The following IMMP2L variants were observed in gnomAD, a reference collection of about 807,000 sequenced individuals.
IMMP2L encodes the protein mitochondrial inner membrane protease subunit 2.
A neutral mutation model predicts 19.3 loss-of-function variants in IMMP2L; 18 were observed. The ratio of observed to expected loss-of-function variants is 0.93; its 90% CI spans 0.64 to 1.38. IMMP2L has a LOEUF of 1.38. Among genes scored for constraint, IMMP2L ranks in the 40% most tolerant of loss-of-function variants. IMMP2L has a pLI of 0.00. For missense variants in IMMP2L, 233 were observed against 218.2 expected (o/e 1.07, Z -0.43); for synonymous variants, 76 against 73.0 (o/e 1.04, Z -0.21).
chr7:111,429,755 G>T (rs1259205700), intron 3 of IMMP2L, among the ~76,000 whole-genome samples: 1 of 151,790 alleles, frequency 6.6e-6, no homozygotes, highest in Non-Finnish European at 1.5e-5. Context: ...TGAAGAAATG[G>T]TATCTTCCTA....
intron 5 of IMMP2L, among the ~76,000 whole-genome samples, chr7:110,874,462 TA>T (rs1228391785): frequency 3.9e-5 from 6 of 152,142 alleles, no homozygotes; most frequent in South Asian, 2.1e-4. Flanking sequence ...GTGAGATGGT[TA>T]GGGGTAATCA....
At chr7:111,238,749 T>C (rs1159532002) in intron 3 of IMMP2L, among the ~76,000 whole-genome samples, 1 of 151,978 alleles carries the variant, frequency 6.6e-6, no homozygotes, top group Non-Finnish European at 1.5e-5. Flanking sequence ...TAATATTTTT[T>C]GATAATTTGG....
At chr7:110,689,021 GTGT>G (rs1793313617) in intron 5 of IMMP2L, among the ~76,000 whole-genome samples, 1 of 149,638 alleles carries the variant, frequency 6.7e-6, no homozygotes, top group African/African-American at 2.6e-5. Context: ...GATTCTCAAA[GTGT>G]TGTCCTGCAA....
chr7:111,039,196 G>C (rs1377330667), intron 3 of IMMP2L, among the ~76,000 whole-genome samples: 2 of 152,068 alleles, frequency 1.3e-5, no homozygotes, highest in African/African-American at 4.8e-5. Flanking sequence ...TTCAAAACAT[G>C]TATTTTGATT....
chr7:111,241,274 T>C (rs183293743), intron 3 of IMMP2L, among the ~76,000 whole-genome samples: 89 of 152,068 alleles, frequency 5.9e-4, no homozygotes, highest in African/African-American at 2.0e-3. Flanking sequence ...ATAAAATAAT[T>C]TGAAGTTAAA....
At chr7:111,363,633 C>A (rs568884125) in intron 3 of IMMP2L, among the ~76,000 whole-genome samples, 1 of 152,000 alleles carries the variant, frequency 6.6e-6, no homozygotes, top group Non-Finnish European at 1.5e-5. Context: ...TGTCTGCCTA[C>A]GGTCTTTCCC....
intron 5 of IMMP2L, among the ~76,000 whole-genome samples, chr7:110,748,820 A>G (rs1338986386): frequency 3.3e-5 from 5 of 152,214 alleles, no homozygotes; most frequent in African/African-American, 1.2e-4. Context: ...AGCCAATACC[A>G]TTCAGGACAT....
intron 3 of IMMP2L, among the ~76,000 whole-genome samples, chr7:111,181,972 T>A (rs1266692714): frequency 6.6e-6 from 1 of 152,036 alleles, no homozygotes; most frequent in Non-Finnish European, 1.5e-5. Context: ...GTTTTAAGAA[T>A]AAACATTTCA....
intron 3 of IMMP2L, among the ~76,000 whole-genome samples, chr7:111,193,149 T>A (rs936746983): frequency 2.6e-5 from 4 of 152,168 alleles, no homozygotes; most frequent in African/African-American, 9.7e-5. Context: ...GGATTTCCTC[T>A]TTTGTTTATT....
intron 3 of IMMP2L, among the ~76,000 whole-genome samples, chr7:111,275,103 G>A (rs968525071): frequency 1.3e-5 from 2 of 152,152 alleles, no homozygotes; most frequent in Non-Finnish European, 2.9e-5. Flanking sequence ...TGAGAAAAAT[G>A]CAATTGCACT....
chr7:111,093,957 T>G (rs974115430), intron 3 of IMMP2L, among the ~76,000 whole-genome samples: 5 of 152,132 alleles, frequency 3.3e-5, no homozygotes, highest in African/African-American at 4.8e-5. Flanking sequence ...AGGTGGTGGT[T>G]GTTGTTGTTA....
At position 111,319,712 on chromosome 7, in the gene IMMP2L, T is replaced by C. The variant is rs1043236409; in HGVS notation, c.239+167526A>G. Reference sequence around the variant, plus strand: ...TTTTAGAAAAGAAGCAATTTAAACCTAAGTTTTTTTAGAATGTTAGCATAA... The same window carrying C: ...TTTTAGAAAAGAAGCAATTTAAACCCAAGTTTTTTTAGAATGTTAGCATAA... On this transcript the variant is annotated intron_variant, in intron 3 of 5. Transcript: ENST00000405709. Among the ~76,000 whole-genome samples the C allele has an allele frequency of 9.2e-5, 14 of 152,050 alleles. 1 individual carries two copies. The highest frequency in any genetic ancestry group is 4.4e-5 in the Non-Finnish European group (3 of 67,988).
intron 3 of IMMP2L, among the ~76,000 whole-genome samples, chr7:111,281,202 GAAAGAAAGAAAGAAAAAGAAAGAAAGAA>G (rs1430747109): frequency 1.4e-4 from 6 of 42,324 alleles, no homozygotes; most frequent in Non-Finnish European, 3.1e-4. Context: ...AAGAAAGAAA[GAAAGAAAGAAAGAAAAAGAAAGAAAGAA>G]AGAAAGAAAG....
chr7:111,399,651 G>A (rs11972524), intron 3 of IMMP2L, among the ~76,000 whole-genome samples: 3,071 of 152,072 alleles, frequency 0.02, 108 homozygotes, highest in African/African-American at 0.07. Flanking sequence ...CTCTGCACCC[G>A]GCCTAGATGT....
At chr7:111,289,485 A>G (rs1820855688) in intron 3 of IMMP2L, among the ~76,000 whole-genome samples, 1 of 152,076 alleles carries the variant, frequency 6.6e-6, no homozygotes, top group African/African-American at 2.4e-5. Context: ...ATGCTATGGT[A>G]AGATTTAGTG....
intron 5 of IMMP2L, among the ~76,000 whole-genome samples, chr7:110,752,871 A>C (rs1439027061): frequency 9.2e-5 from 14 of 152,086 alleles, no homozygotes. Flanking sequence ...TTACAGCTGG[A>C]ACAGATTTGA....
intron 5 of IMMP2L, among the ~76,000 whole-genome samples, chr7:110,849,716 A>G (rs2131515945): frequency 6.6e-6 from 1 of 152,248 alleles, no homozygotes; most frequent in Admixed American, 6.6e-5. Flanking sequence ...TTGCAGCAGT[A>G]AACATTTTCT....
chr7:111,391,469 A>G (rs1455740956), intron 3 of IMMP2L, among the ~76,000 whole-genome samples: 1 of 152,194 alleles, frequency 6.6e-6, no homozygotes, highest in Non-Finnish European at 1.5e-5. Flanking sequence ...CGTATCCAAG[A>G]AAGTAAGTAC....
At chr7:110,805,901 A>T (rs1221727127) in intron 5 of IMMP2L, among the ~76,000 whole-genome samples, 1 of 152,012 alleles carries the variant, frequency 6.6e-6, no homozygotes, top group Non-Finnish European at 1.5e-5. Context: ...CACAATTTAT[A>T]CAAGGTAGAA....
Sources: gnomAD v4.1 joint callset for allele counts (sites outside exome capture counted in the v4.1 genomes callset) on GRCh38, gnomAD v4.1.1 for gene constraint, MANE v1.5 for transcripts, NCBI Gene and HGNC (gene_info 2026-07-23, HGNC 2026-07-21) for gene names.